The following PLA2R1 variants were observed in gnomAD, a reference collection of about 807,000 sequenced individuals.
PLA2R1 encodes phospholipase A2 receptor 1.
A neutral mutation model predicts 195.9 loss-of-function variants in PLA2R1; 158 were observed. That is an observed-to-expected ratio of 0.81 (90% CI 0.71 to 0.92). PLA2R1 has a LOEUF of 0.92. PLA2R1 is among the 40% of genes least tolerant of loss of function. PLA2R1 has a pLI of 0.00. For missense variants in PLA2R1, 1,626 were observed against 1,764.6 expected, an observed-to-expected ratio of 0.92 and a Z score of 1.41; for synonymous variants, 586 against 598.2, an observed-to-expected ratio of 0.98 and a Z score of 0.30.
intron 11 of PLA2R1, among the ~76,000 whole-genome samples, chr2:160,005,128 A>C (rs982738146): frequency 6.6e-6 from 1 of 152,166 alleles, no homozygotes; most frequent in African/African-American, 2.4e-5. Context: ...TACCTTTAAC[A>C]TGTCAAATGA....
chr2:159,996,187 TC>T (rs769958716), intron 11 of PLA2R1, among the ~76,000 whole-genome samples: 27 of 152,124 alleles, frequency 1.8e-4, no homozygotes, highest in Non-Finnish European at 3.2e-4. Context: ...CTGAAGAACT[TC>T]TTTGAATATT....
rs150388317 is a variant in PLA2R1 at position 159,942,308 on chromosome 2, A to G, written c.4145-149T>C. 2.5e-4 allele frequency: 161 copies of G among 635,504 alleles called. No homozygotes were observed. The East Asian group carries it at 3.9e-3, about 15-fold the overall frequency. 39.4% of individuals were successfully genotyped at this position (635,504 alleles called of 1,614,324 possible). On this transcript the variant is annotated intron_variant, in intron 28 of 29. Transcript: ENST00000283243. ...GGAACTTAGCCACACTCATTCATTG[A>G]TGTATTGTTACAGCTGCTTTCCTGC...
intron 17 of PLA2R1, among the ~76,000 whole-genome samples, chr2:159,973,689 T>C (rs996594294): frequency 1.2e-4 from 18 of 152,168 alleles, no homozygotes; most frequent in Admixed American, 1.0e-3. Context: ...AGTGTTTTTT[T>C]ATAGCAGCCT....
At chr2:159,980,711 C>T (rs111832709) in intron 13 of PLA2R1, among the ~76,000 whole-genome samples, 2 of 152,048 alleles carry the variant, frequency 1.3e-5, no homozygotes, top group South Asian at 2.1e-4. Context: ...CTCAATAAAT[C>T]GAGTAATAAA....
At position 159,976,183 on chromosome 2, in the gene PLA2R1, T is replaced by A; in HGVS notation, c.2480A>T (p.His827Leu). The A allele has an allele frequency of 6.2e-7, 1 of 1,611,130 alleles. No individual in the cohort carries two copies. Among genetic ancestry groups the A allele is most frequent in the Non-Finnish European group, 8.5e-7 (1 of 1,177,818 alleles). Reference sequence around the variant, plus strand: ...GTTCAACCATTCTGAGGCAAAGGTATGAAAAAGGTATTCTGCATCCTGATA... The same window carrying A: ...GTTCAACCATTCTGAGGCAAAGGTAAGAAAAAGGTATTCTGCATCCTGATA... ...LFYQDAEYLFHTFASEWLNFE... is the reference protein window; with the variant it reads ...LFYQDAEYLFLTFASEWLNFE... The change falls in exon 17 of 30, where the codon CAT becomes CTT. Residue 827 changes from histidine (H) to leucine (L), a missense_variant. Physicochemically the swap from His to Leu is moderately conservative, Grantham distance 99. Coordinates refer to ENST00000283243, the MANE Select transcript of PLA2R1 (RefSeq NM_007366.5).
chr2:159,933,581 T>C lies in PLA2R1; in HGVS notation c.*8197A>G, dbSNP rs1032416651. ...GTCACATTGCATTGCACTTATCATT[T>C]ACATATTCCTCTCCCCTGAGACTGA... On this transcript the variant is annotated 3_prime_UTR_variant, in exon 30 of 30. Transcript: ENST00000283243. 6 of 152,172 alleles carry C rather than the reference T, an allele frequency of 3.9e-5. No homozygotes were observed. The highest frequency in any genetic ancestry group is 1.3e-4 in the Admixed American group (2 of 15,276). 9.4% of individuals were successfully genotyped at this position (152,172 alleles called of 1,614,324 possible). A position where few individuals can be genotyped will look rare whatever the true frequency, so the allele number is the denominator to read the frequency against.
intron 24 of PLA2R1, among the ~76,000 whole-genome samples, chr2:159,950,540 G>A (rs1307173603): frequency 6.6e-6 from 1 of 152,220 alleles, no homozygotes; most frequent in Non-Finnish European, 1.5e-5. Flanking sequence ...GGTTTAATAA[G>A]TTGTGGTATA....
At chr2:159,984,264 T>C (rs945445850) in intron 12 of PLA2R1, among the ~76,000 whole-genome samples, 191 bp from the exon 13 acceptor site, 4 of 152,198 alleles carry the variant, frequency 2.6e-5, no homozygotes, top group Admixed American at 1.3e-4. Flanking sequence ...GTTCCTTTTA[T>C]CCTCATAACA....
chr2:159,927,225 A>G (rs1686517356), downstream of PLA2R1, among the ~76,000 whole-genome samples: 1 of 152,222 alleles, frequency 6.6e-6, no homozygotes, highest in Admixed American at 6.5e-5. Flanking sequence ...TCTAAACTCA[A>G]TGATCTTCTA....
chr2:159,930,531 C>G (rs1331837308), downstream of PLA2R1, among the ~76,000 whole-genome samples: 1 of 152,164 alleles, frequency 6.6e-6, no homozygotes, highest in East Asian at 1.9e-4. Flanking sequence ...CCTGTTCCCC[C>G]CAAACCCCTT....
intron 11 of PLA2R1, among the ~76,000 whole-genome samples, chr2:159,997,775 G>A (rs1691315935): frequency 6.6e-6 from 1 of 152,060 alleles, no homozygotes; most frequent in African/African-American, 2.4e-5. Context: ...TATTTCTCCA[G>A]TTTGGGGCAG....
intron 1 of PLA2R1, among the ~76,000 whole-genome samples, chr2:160,055,584 A>T (rs1695484750): frequency 6.6e-6 from 1 of 152,208 alleles, no homozygotes; most frequent in Non-Finnish European, 1.5e-5. Context: ...TCTGTCATGC[A>T]GCAGGATACA....
intron 6 of PLA2R1, among the ~76,000 whole-genome samples, chr2:160,027,995 G>A (rs1304320083): frequency 6.6e-6 from 1 of 152,150 alleles, no homozygotes; most frequent in African/African-American, 2.4e-5. Flanking sequence ...TGTTTGCTAT[G>A]CTCAGATTAT....
chr2:160,003,024 A>G (rs1489601019), intron 11 of PLA2R1, among the ~76,000 whole-genome samples: 1 of 152,032 alleles, frequency 6.6e-6, no homozygotes, highest in Non-Finnish European at 1.5e-5. Flanking sequence ...CACTGCTTGA[A>G]TTATGTTAGT....
intron 27 of PLA2R1, chr2:159,946,556 G>A: frequency 8.7e-7 from 1 of 1,154,388 alleles, no homozygotes; most frequent in Non-Finnish European, 1.1e-6. Flanking sequence ...GCATCTTCCT[G>A]CTAAGGGTAA....
At chr2:159,947,392 C>T in intron 26 of PLA2R1, 27 bp downstream of exon 26, 8 of 1,579,580 alleles carry the variant, frequency 5.1e-6, no homozygotes, top group Non-Finnish European at 6.9e-6. Context: ...CACATGAAAG[C>T]ATTTTTACCA....
chr2:159,987,322 T>C lies in PLA2R1; in HGVS notation c.1871A>G (p.His624Arg). 6.2e-7 allele frequency: 1 copy of C among 1,612,172 alleles called. No individual in the cohort carries two copies. Among genetic ancestry groups the C allele is most frequent in the Non-Finnish European group, 8.5e-7 (1 of 1,179,858 alleles). ...CTTCACTTCCCAGCGACCAAGTGGA[T>C]GCCTTCCTCGCATGGCAACACAGCC... ...SGGCVAMRGRHPLGRWEVKHC... is the reference protein window; with the variant it reads ...SGGCVAMRGRRPLGRWEVKHC... The change falls in exon 12 of 30, where the codon CAT (histidine) becomes CGT (arginine). Residue 624 changes from histidine (H) to arginine (R), a missense_variant. Transcript: ENST00000283243.
At chr2:160,012,741 G>T (rs774881737) in intron 10 of PLA2R1, among the ~76,000 whole-genome samples, 1 of 151,894 alleles carries the variant, frequency 6.6e-6, no homozygotes, top group African/African-American at 2.4e-5. Flanking sequence ...GTGAAACCCC[G>T]TCTCTACTAA....
chr2:160,030,249 TC>T (rs1346328505), intron 4 of PLA2R1, among the ~76,000 whole-genome samples: 1 of 152,222 alleles, frequency 6.6e-6, no homozygotes, highest in Non-Finnish European at 1.5e-5. Flanking sequence ...CTCCCAGAAA[TC>T]AATAAACAGA....
Sources: gnomAD v4.1 joint callset for allele counts (sites outside exome capture counted in the v4.1 genomes callset) on GRCh38, gnomAD v4.1.1 for gene constraint, MANE v1.5 for transcripts, NCBI Gene and HGNC (gene_info 2026-07-23, HGNC 2026-07-21) for gene names.